Variants in ZNRF2 observed in about 807,000 individuals in gnomAD.
ZNRF2 encodes E3 ubiquitin-protein ligase ZNRF2.
In ZNRF2, 16 loss-of-function variants were observed where a neutral mutation model predicts 20.4. The ratio of observed to expected loss-of-function variants is 0.79; its 90% CI spans 0.53 to 1.19. ZNRF2 has a LOEUF of 1.19. ZNRF2 is among the 50% of genes most tolerant of loss of function. The probability of loss-of-function intolerance (pLI) is 0.00; values close to 1 mark genes in which losing one functional copy is unlikely to be tolerated. For missense variants in ZNRF2, 363 were observed against 332.4 expected (o/e 1.09, Z -0.72); for synonymous variants, 178 against 144.9 (o/e 1.23, Z -1.64).
At chr7:30,361,028 C>A (rs749143782) in intron 3 of ZNRF2, among the ~76,000 whole-genome samples, 3 of 152,064 alleles carry the variant, frequency 2.0e-5, no homozygotes, top group Non-Finnish European at 4.4e-5. Flanking sequence ...GTGAAGAGGA[C>A]CTGGAGTTTT....
chr7:30,338,524 T>C (rs1190992535), intron 2 of ZNRF2, among the ~76,000 whole-genome samples: 1 of 148,644 alleles, frequency 6.7e-6, no homozygotes, highest in Non-Finnish European at 1.5e-5. Context: ...GAACATGTGG[T>C]GTTTGGTTTT....
chr7:30,321,003 C>T (rs1022172496), intron 1 of ZNRF2, among the ~76,000 whole-genome samples: 15 of 152,122 alleles, frequency 9.9e-5, no homozygotes, highest in Non-Finnish European at 1.6e-4. Context: ...CTACCAATTT[C>T]TTAGTAGAGA....
rs988037875 is a variant in ZNRF2, at chr7:30,284,853, G to C, written c.-505G>C. ...TCCGTTAATAACAGCTGGGTGGCTGGGGGAGGAGGGAAGGTGGCCCCGGCG... is the reference window on the plus strand; with the variant it reads ...TCCGTTAATAACAGCTGGGTGGCTGCGGGAGGAGGGAAGGTGGCCCCGGCG... On this transcript the variant is annotated 5_prime_UTR_variant, in exon 1 of 5. Transcript: ENST00000323037. The C allele has an allele frequency of 1.3e-5, 3 of 224,322 alleles. No individual in the cohort carries two copies. Among genetic ancestry groups the C allele is most frequent in the African/African-American group, 7.2e-5 (3 of 41,736 alleles). 13.9% of individuals were successfully genotyped at this position (224,322 alleles called of 1,614,324 possible).
At position 30,309,989 on chromosome 7, in the gene ZNRF2, G is replaced by C. The variant is rs184657183; in HGVS notation, c.470-13653G>C. 9.8e-3 allele frequency among the ~76,000 whole-genome samples: 1,493 copies of C among 152,284 alleles called. 14 individuals carry two copies. The highest frequency in any genetic ancestry group is 0.016 in the Non-Finnish European group (1,081 of 68,018). ...AGTGATCAGGTCTGGTTGGTGTTTT[G>C]AAGATAGCCTGTGACAACAGTTTGG... On this transcript the variant is annotated intron_variant, in intron 1 of 4. Coordinates refer to ENST00000323037, the MANE Select transcript of ZNRF2 (RefSeq NM_147128.4).
At chr7:30,319,427 A>G (rs1215985341) in intron 1 of ZNRF2, among the ~76,000 whole-genome samples, 1 of 152,222 alleles carries the variant, frequency 6.6e-6, no homozygotes, top group Non-Finnish European at 1.5e-5. Context: ...TTTACAGGGA[A>G]GAAGTCAGGC....
rs1312612940 is a variant in ZNRF2 at position 30,343,975 on chromosome 7, AG to A, written c.566-11752del. Among the ~76,000 whole-genome samples, 8 of 136,662 alleles carry A rather than the reference AG, an allele frequency of 5.9e-5. No homozygotes were observed. In the Admixed American group the frequency reaches 6.4e-4, roughly 11 times the overall value. 89.7% of individuals were successfully genotyped at this position (136,662 alleles called of 152,430 possible). On this transcript the variant is annotated intron_variant, in intron 2 of 4. Transcript: ENST00000323037. ...TGCTCTGTCACTCAGGCTGGAGTGCAGTGGCGCGATCTCGGCTCACTGCAAC... is the reference window on the plus strand; with the variant it reads ...TGCTCTGTCACTCAGGCTGGAGTGCATGGCGCGATCTCGGCTCACTGCAAC...
intron 1 of ZNRF2, among the ~76,000 whole-genome samples, chr7:30,315,830 A>C (rs533506035): frequency 1.3e-5 from 2 of 152,092 alleles, no homozygotes; most frequent in Admixed American, 1.3e-4. Context: ...CTAACATAAA[A>C]AACTGCTTTG....
At chr7:30,346,074 C>T (rs1799871927) in intron 2 of ZNRF2, among the ~76,000 whole-genome samples, 2 of 150,248 alleles carry the variant, frequency 1.3e-5, no homozygotes, top group Admixed American at 1.3e-4. Flanking sequence ...CTATTAGACG[C>T]CCAAAATATT....
At chr7:30,328,659 T>C (rs1304126647) in intron 2 of ZNRF2, among the ~76,000 whole-genome samples, 3 of 152,212 alleles carry the variant, frequency 2.0e-5, no homozygotes, top group Admixed American at 6.5e-5. Flanking sequence ...ATTTGAAATA[T>C]TGGTTTTTCA....
intron 1 of ZNRF2, among the ~76,000 whole-genome samples, chr7:30,311,741 G>A (rs1428182433): frequency 6.6e-6 from 1 of 152,096 alleles, no homozygotes; most frequent in African/African-American, 2.4e-5. Context: ...TTATGTATGC[G>A]TTGTTTTAGA....
At chr7:30,304,955 T>C (rs568936284) in intron 1 of ZNRF2, among the ~76,000 whole-genome samples, 60 of 152,300 alleles carry the variant, frequency 3.9e-4, no homozygotes, top group African/African-American at 1.3e-3. Flanking sequence ...AATTAAATTA[T>C]ATAAATTGCA....
chr7:30,344,665 G>T (rs182810681), intron 2 of ZNRF2, among the ~76,000 whole-genome samples: 19 of 152,044 alleles, frequency 1.2e-4, no homozygotes, highest in African/African-American at 4.6e-4. Context: ...TTACCATTAC[G>T]TAGATTCAGC....
chr7:30,286,815 A>G (rs1299603430), intron 1 of ZNRF2, among the ~76,000 whole-genome samples: 1 of 152,228 alleles, frequency 6.6e-6, no homozygotes, highest in Non-Finnish European at 1.5e-5. Flanking sequence ...CTGGTATTAG[A>G]AAAATTAGCA....
chr7:30,291,717 G>A (rs1005451560), intron 1 of ZNRF2, among the ~76,000 whole-genome samples: 1 of 152,172 alleles, frequency 6.6e-6, no homozygotes, highest in Non-Finnish European at 1.5e-5. Context: ...TACTTTAAGT[G>A]GTTGGAAACA....
chr7:30,289,222 T>A (rs1223829135), intron 1 of ZNRF2, among the ~76,000 whole-genome samples: 1 of 152,254 alleles, frequency 6.6e-6, no homozygotes, highest in Admixed American at 6.5e-5. Context: ...TCAGGTGCCT[T>A]GCTACTTGTG....
intron 1 of ZNRF2, 25 bp from the exon 2 acceptor site, chr7:30,323,612 TAAGTA>T (rs1799508701): frequency 7.0e-7 from 1 of 1,425,944 alleles, no homozygotes; most frequent in South Asian, 1.2e-5. Flanking sequence ...TCAGAATAGT[TAAGTA>T]ACTTGAGTTT....
At chr7:30,354,639 T>A (rs1800009705) in intron 2 of ZNRF2, among the ~76,000 whole-genome samples, 1 of 152,240 alleles carries the variant, frequency 6.6e-6, no homozygotes, top group Non-Finnish European at 1.5e-5. Context: ...TCCCTGCCTT[T>A]CTGTTTCTTT....
intron 2 of ZNRF2, among the ~76,000 whole-genome samples, chr7:30,328,257 A>G (rs1480614449): frequency 6.6e-6 from 1 of 152,158 alleles, no homozygotes; most frequent in African/African-American, 2.4e-5. Flanking sequence ...AAGCCAGAGA[A>G]TCTCTAAAAC....
intron 2 of ZNRF2, among the ~76,000 whole-genome samples, chr7:30,339,947 T>C (rs1799770592): frequency 6.6e-6 from 1 of 152,094 alleles, no homozygotes; most frequent in African/African-American, 2.4e-5. Context: ...CCTTGAGCAG[T>C]GTTTGTAGTT....
Sources: gnomAD v4.1 joint callset for allele counts (sites outside exome capture counted in the v4.1 genomes callset) on GRCh38, gnomAD v4.1.1 for gene constraint, MANE v1.5 for transcripts, NCBI Gene and HGNC (gene_info 2026-07-23, HGNC 2026-07-21) for gene names.